The following PVT1 variants were observed in gnomAD, a reference collection of about 807,000 sequenced individuals.
PVT1 encodes CXCR4/PVT1 fusion.
At chr8:127,949,379 CTGTGTGTGTGTGTGTGTG>C (rs61425056) in intron 3 of PVT1, among the ~76,000 whole-genome samples, 25 of 111,258 alleles carry the variant, frequency 2.2e-4, no homozygotes, top group South Asian at 3.7e-4. Flanking sequence ...ACTCCAGGAG[CTGTGTGTGTGTGTGTGTG>C]TGTGTGTGTG....
chr8:127,988,095 T>G (rs1323504996), intron 3 of PVT1, among the ~76,000 whole-genome samples: 1 of 152,170 alleles, frequency 6.6e-6, no homozygotes, highest in Non-Finnish European at 1.5e-5. Context: ...CCAGAGTGCC[T>G]CAGAGAAGAC....
chr8:127,827,524 T>G (rs1273612006), intron 2 of PVT1, among the ~76,000 whole-genome samples: 1 of 152,078 alleles, frequency 6.6e-6, no homozygotes, highest in African/African-American at 2.4e-5. Flanking sequence ...CCAGCCCCCT[T>G]CACGGTCCAG....
intron 4 of PVT1, among the ~76,000 whole-genome samples, chr8:128,065,533 T>C (rs1813894525): frequency 6.6e-6 from 1 of 152,148 alleles, no homozygotes; most frequent in Admixed American, 6.6e-5. Context: ...TTTTTTCCCT[T>C]TGGTCCCTAT....
chr8:127,829,825 G>A (rs1218736873), intron 2 of PVT1, among the ~76,000 whole-genome samples: 2 of 152,152 alleles, frequency 1.3e-5, no homozygotes, highest in Non-Finnish European at 2.9e-5. Context: ...TTATTCTCTT[G>A]CAGTTCTGGA....
intron 3 of PVT1, among the ~76,000 whole-genome samples, chr8:127,975,063 C>G (rs1253275531): frequency 1.3e-5 from 2 of 152,066 alleles, no homozygotes; most frequent in Non-Finnish European, 2.9e-5. Flanking sequence ...TAAATCAGTT[C>G]TCTGTTGTTA....
intron 2 of PVT1, among the ~76,000 whole-genome samples, chr8:127,881,688 C>A (rs1382815887): frequency 6.6e-6 from 1 of 151,898 alleles, no homozygotes; most frequent in South Asian, 2.1e-4. Context: ...AACTTCTGAC[C>A]TTAGGTGATC....
chr8:127,919,866 G>A (rs545067692), intron 3 of PVT1, among the ~76,000 whole-genome samples: 1 of 152,342 alleles, frequency 6.6e-6, no homozygotes, highest in South Asian at 2.1e-4. Context: ...TTTTGTGCCA[G>A]CAGTTTGGGG....
At chr8:128,026,927 C>T (rs1381693321) in intron 4 of PVT1, among the ~76,000 whole-genome samples, 1 of 152,154 alleles carries the variant, frequency 6.6e-6, no homozygotes, top group Non-Finnish European at 1.5e-5. Flanking sequence ...CCCTGACTCC[C>T]AGGCCTGTGC....
intron 3 of PVT1, among the ~76,000 whole-genome samples, chr8:127,897,181 G>T (rs1408109908): frequency 6.6e-6 from 1 of 152,190 alleles, no homozygotes; most frequent in Non-Finnish European, 1.5e-5. Context: ...TTGGGGGCAA[G>T]CATAGGTTTG....
At chr8:127,928,120 T>G (rs62512790) in intron 3 of PVT1, among the ~76,000 whole-genome samples, 13,269 of 152,140 alleles carry the variant, frequency 0.087, 741 homozygotes, top group Middle Eastern at 0.14. Context: ...AAAATCTAGT[T>G]TTAGCAAAAA....
intron 3 of PVT1, among the ~76,000 whole-genome samples, chr8:127,894,880 A>G (rs1418976133): frequency 6.6e-6 from 1 of 152,116 alleles, no homozygotes; most frequent in Non-Finnish European, 1.5e-5. Context: ...ATGTCTGCTG[A>G]TTCTCCCCAA....
At chr8:127,871,549 G>C (rs1053437595) in intron 2 of PVT1, among the ~76,000 whole-genome samples, 1 of 152,114 alleles carries the variant, frequency 6.6e-6, no homozygotes, top group Admixed American at 6.5e-5. Context: ...GAGTCCACCA[G>C]AATCGGGTAA....
intron 4 of PVT1, among the ~76,000 whole-genome samples, chr8:128,005,311 C>T (rs1817233067): frequency 6.6e-6 from 1 of 152,008 alleles, no homozygotes; most frequent in South Asian, 2.1e-4. Context: ...TATGTGTGGC[C>T]CAAGACAATT....
intron 2 of PVT1, among the ~76,000 whole-genome samples, chr8:127,824,388 G>T (rs1378409165): frequency 1.3e-5 from 2 of 152,192 alleles, no homozygotes; most frequent in African/African-American, 4.8e-5. Context: ...AAACTCCTGG[G>T]CTCAAGTGAT....
At chr8:128,062,562 G>A (rs757577283) in intron 4 of PVT1, among the ~76,000 whole-genome samples, 2 of 152,066 alleles carry the variant, frequency 1.3e-5, no homozygotes, top group Non-Finnish European at 2.9e-5. Context: ...TTCTTAAAAA[G>A]GCAAAATTAT....
At chr8:127,905,633 G>T (rs1381249531) in intron 3 of PVT1, among the ~76,000 whole-genome samples, 1 of 151,362 alleles carries the variant, frequency 6.6e-6, no homozygotes, top group African/African-American at 2.4e-5. Flanking sequence ...GGACCTGTGG[G>T]TTTTTTTTTG....
rs183297133 is a variant in PVT1, at chr8:127,817,023, C to T, written n.372+20952C>T. Among the ~76,000 whole-genome samples the T allele has an allele frequency of 9.2e-5, 14 of 151,918 alleles. No homozygotes were observed. The East Asian group carries it at 2.3e-3, about 25-fold the overall frequency. On this transcript the variant is annotated intron_variant and non_coding_transcript_variant, in intron 2 of 10. Transcript: ENST00000651587. ...TCGCAGGTGTCCCCCCACCCCCTCC[C>T]GATACAAACAGTGCTGCTGTGGACA...
intron 2 of PVT1, among the ~76,000 whole-genome samples, chr8:127,810,522 G>A (rs887823143): frequency 6.6e-6 from 1 of 152,238 alleles, no homozygotes; most frequent in Non-Finnish European, 1.5e-5. Flanking sequence ...CCAAGGCTGA[G>A]TGCCTTTGCC....
At chr8:127,995,847 C>A (rs1014477845) in intron 4 of PVT1, among the ~76,000 whole-genome samples, 4 of 152,200 alleles carry the variant, frequency 2.6e-5, no homozygotes, top group Admixed American at 6.5e-5. Flanking sequence ...AATCTTCCTG[C>A]GGAACGTATG....
Sources: allele counts gnomAD v4.1 joint callset (sites outside exome capture counted in the v4.1 genomes callset), GRCh38; gene constraint gnomAD v4.1.1; transcripts MANE v1.5; gene names NCBI Gene and HGNC (gene_info 2026-07-23, HGNC 2026-07-21).